The following OR2G6 variants were observed in gnomAD, a reference collection of about 807,000 sequenced individuals.
The protein encoded by OR2G6 is olfactory receptor 2G6.
For missense variants in OR2G6, 457 were observed against 391.3 expected (o/e 1.17, Z -1.42); for synonymous variants, 183 against 155.2 (o/e 1.18, Z -1.33).
At position 248,526,486 on chromosome 1, in the gene OR2G6, A is replaced by C. The variant is rs28595334; in HGVS notation, c.*3889A>C. On this transcript the variant is annotated 3_prime_UTR_variant, in exon 2 of 2. Transcript: ENST00000641804. ...TGTGAACTAACTTGACAAATAAAAA[A>C]AATGTTGAGCCCCAGTCTTAGGAAA... The C allele has an allele frequency of 0.89, 134,763 of 152,202 alleles. 60,009 individuals are homozygous for C. The highest frequency in any genetic ancestry group is 0.94 in the Non-Finnish European group (63,715 of 68,028). 9.4% of individuals were successfully genotyped at this position (152,202 alleles called of 1,614,324 possible).
rs1283707535 is a variant in OR2G6 at position 248,521,765 on chromosome 1, T to G, written c.119T>G (p.Leu40Arg). 5 of 1,614,150 alleles carry G rather than the reference T, an allele frequency of 3.1e-6. No individual in the cohort carries two copies. The highest frequency in any genetic ancestry group is 3.3e-4 in the Middle Eastern group (2 of 6,062). The change falls in exon 2 of 2, where the codon CTG (leucine) becomes CGG (arginine). Residue 40 changes from leucine (L) to arginine (R), a missense_variant. Leu to Arg is a moderately radical substitution (Grantham distance 102). Transcript: ENST00000641804. ...IILYFYVLSL[L>R]GNTALILVCC... ...TTGTACTTCTACGTCTTGAGCCTTC[T>G]GGGGAACACTGCCCTCATACTAGTA...
chr1:248,521,039 C>CT (rs1173074768), intron 1 of OR2G6, among the ~76,000 whole-genome samples: 13 of 31,730 alleles, frequency 4.1e-4, no homozygotes, highest in Admixed American at 1.8e-3. Context: ...GAGATTCCAT[C>CT]TAAAAAAAAA....
chr1:248,522,508 A>AT lies in OR2G6; in HGVS notation c.864dup (p.Ile289TyrfsTer20). ...CATAGTCACCCCACTTTTAAACCCCATTATCTACACTCTGAGAAACAAAGA... is the reference window on the plus strand; with the variant it reads ...CATAGTCACCCCACTTTTAAACCCCATTTATCTACACTCTGAGAAACAAAGA... On this transcript the variant is annotated frameshift_variant, in exon 2 of 2. Transcript: ENST00000641804. LOFTEE classifies it low-confidence loss of function (END_TRUNC). 1 of 1,612,980 alleles carries AT rather than the reference A, an allele frequency of 6.2e-7. No homozygotes were observed. The highest frequency in any genetic ancestry group is 8.5e-7 in the Non-Finnish European group (1 of 1,179,696).
chr1:248,522,255 T>A lies in OR2G6; in HGVS notation c.609T>A (p.Ser203Arg). The part of the protein sequence containing the change: ...TFNEAELFVA[S>R]VVFLIVPVLL... ...ACGAGGCAGAACTCTTTGTGGCCAG[T>A]GTAGTCTTTCTAATTGTCCCGGTGT... Residue 203 changes from serine (S) to arginine (R), a missense_variant, in exon 2 of 2, where the codon AGT becomes AGA. Ser to Arg is a moderately radical substitution (Grantham distance 110, BLOSUM62 -1). Coordinates refer to ENST00000641804, the MANE Select transcript of OR2G6 (RefSeq NM_001013355.2). The A allele has an allele frequency of 6.2e-7, 1 of 1,614,190 alleles. No individual in the cohort carries two copies. The highest frequency in any genetic ancestry group is 8.5e-7 in the Non-Finnish European group (1 of 1,180,012).
At chr1:248,520,795 G>A (rs912403606) in intron 1 of OR2G6, among the ~76,000 whole-genome samples, 1 of 151,322 alleles carries the variant, frequency 6.6e-6, no homozygotes, top group East Asian at 1.9e-4. Flanking sequence ...GGTCACCTGA[G>A]GTCAGGAGTT....
rs999810590 is a variant in OR2G6 at position 248,524,584 on chromosome 1, A to C, written c.*1987A>C. The C allele has an allele frequency of 6.6e-6, 1 of 152,236 alleles. No homozygotes were observed. Among genetic ancestry groups the C allele is most frequent in the African/African-American group, 2.4e-5 (1 of 41,460 alleles). 9.4% of individuals were successfully genotyped at this position (152,236 alleles called of 1,614,324 possible). On this transcript the variant is annotated 3_prime_UTR_variant, in exon 2 of 2. Transcript: ENST00000641804. ...TTTACATGGAATATGGCCCCAGGGC[A>C]AAAGATGTGGCATTTAAAGGAAAGA...
intron 1 of OR2G6, among the ~76,000 whole-genome samples, chr1:248,520,718 C>CA (rs1453064260): frequency 1.3e-5 from 2 of 151,598 alleles, no homozygotes; most frequent in Non-Finnish European, 2.9e-5. Context: ...ACTAAAATTA[C>CA]AAAAATTAGG....
chr1:248,522,153 T>C lies in OR2G6; in HGVS notation c.507T>C (p.Cys169=). The change falls in exon 2 of 2, where the codon TGT becomes TGC. Residue 169 remains cysteine, a synonymous_variant. Coordinates refer to ENST00000641804, the MANE Select transcript of OR2G6 (RefSeq NM_001013355.2). ...QCSLTVQLPL[C]GHRTLDHIFC... is the part of the protein sequence containing the mutation. The stretch of plus-strand genomic sequence containing the variant: ...CCCTCACTGTGCAGCTGCCCCTCTG[T>C]GGTCATCGCACACTGGATCATATTT... 6.2e-7 allele frequency: 1 copy of C among 1,614,138 alleles called. No homozygotes were observed. The highest frequency in any genetic ancestry group is 8.5e-7 in the Non-Finnish European group (1 of 1,180,022).
At chr1:248,520,097 G>A (rs1329262306) in intron 1 of OR2G6, among the ~76,000 whole-genome samples, 23 of 152,296 alleles carry the variant, frequency 1.5e-4, no homozygotes, top group East Asian at 1.3e-3. Context: ...TGCAGCCATA[G>A]AAAAGGATGC....
At chr1:248,521,040 TAAAAAAAAAAAAAA>T (rs56891856) in intron 1 of OR2G6, among the ~76,000 whole-genome samples, 1 of 83,948 alleles carries the variant, frequency 1.2e-5, no homozygotes, top group Non-Finnish European at 2.2e-5. Context: ...AGATTCCATC[TAAAAAAAAAAAAAA>T]AAAAAAAAAA....
At chr1:248,520,811 C>T (rs1319953630) in intron 1 of OR2G6, among the ~76,000 whole-genome samples, 2 of 150,828 alleles carry the variant, frequency 1.3e-5, no homozygotes. Flanking sequence ...GAGTTCCAGA[C>T]CAGCCTGGCC....
Position 248,522,289 on chromosome 1 carries a change from T to C in OR2G6, c.643T>C (p.Leu215=), listed in dbSNP as rs200528102. 10 of 1,614,100 alleles carry C rather than the reference T, an allele frequency of 6.2e-6. No homozygotes were observed. The highest frequency in any genetic ancestry group is 8.5e-6 in the Non-Finnish European group (10 of 1,180,050). ...TCTAATTGTCCCGGTGTTACTCATC[T>C]TAGTCTCCTATGGCTTTATCACTCA... The part of the protein sequence containing the change: ...VFLIVPVLLI[L]VSYGFITQAV... The change falls in exon 2 of 2, where the codon TTA becomes CTA. Residue 215 remains leucine (L), a synonymous_variant. Transcript: ENST00000641804.
At chr1:248,519,409 G>T (rs909277008) in intron 1 of OR2G6, among the ~76,000 whole-genome samples, 1 of 148,704 alleles carries the variant, frequency 6.7e-6, no homozygotes, top group Admixed American at 6.8e-5. Flanking sequence ...CTTTACCCAC[G>T]TCTATGTCCT....
intron 1 of OR2G6, among the ~76,000 whole-genome samples, chr1:248,520,313 A>T (rs1664256395): frequency 6.6e-6 from 1 of 152,132 alleles, no homozygotes. Context: ...GCATTAGGAG[A>T]AATACCTAAC....
At chr1:248,519,750 C>T (rs112921841) in intron 1 of OR2G6, among the ~76,000 whole-genome samples, 7,643 of 152,012 alleles carry the variant, frequency 0.05, 642 homozygotes, top group African/African-American at 0.17. Flanking sequence ...TAGTATAGTT[C>T]GAAGTCAGGT....
Position 248,522,846 on chromosome 1 carries a change from G to T in OR2G6, c.*249G>T. 1 of 454,678 alleles carries T rather than the reference G, an allele frequency of 2.2e-6. No individual in the cohort carries two copies. The allele number at this position is 454,678 out of a possible 1,614,324, so 28.2% of individuals were successfully genotyped here. On this transcript the variant is annotated 3_prime_UTR_variant, in exon 2 of 2. Coordinates refer to ENST00000641804, the MANE Select transcript of OR2G6 (RefSeq NM_001013355.2). ...GAGAAACACACCAAAGCAGCATGAGGGTTCATCCTCCCAGACATTCCTCTT... is the reference window on the plus strand; with the variant it reads ...GAGAAACACACCAAAGCAGCATGAGTGTTCATCCTCCCAGACATTCCTCTT...
intron 1 of OR2G6, among the ~76,000 whole-genome samples, chr1:248,521,367 GAATA>G (rs1379679610): frequency 6.6e-6 from 1 of 152,086 alleles, no homozygotes; most frequent in African/African-American, 2.4e-5. Flanking sequence ...AGCAAAGAGT[GAATA>G]AATACAAATA....
At chr1:248,521,097 C>T (rs1288498314) in intron 1 of OR2G6, among the ~76,000 whole-genome samples, 3 of 149,700 alleles carry the variant, frequency 2.0e-5, no homozygotes, top group African/African-American at 7.4e-5. Context: ...GTGGCACACG[C>T]CTGTAGTCTC....
At chr1:248,521,303 C>T (rs1267434525) in intron 1 of OR2G6, among the ~76,000 whole-genome samples, 2 of 152,100 alleles carry the variant, frequency 1.3e-5, no homozygotes. Flanking sequence ...TGCATAAATA[C>T]ATCATTTGAA....
Sources: allele counts gnomAD v4.1 joint callset (sites outside exome capture counted in the v4.1 genomes callset), GRCh38; gene constraint gnomAD v4.1.1; transcripts MANE v1.5; gene names NCBI Gene and HGNC (gene_info 2026-07-23, HGNC 2026-07-21).